Variants in MGAT4C observed in about 807,000 individuals in gnomAD.
The protein encoded by MGAT4C is MGAT4 family member C, also known as alpha-1,3-mannosyl-glycoprotein 4-beta-N-acetylglucosaminyltransferase C.
A neutral mutation model predicts 40.1 loss-of-function variants in MGAT4C; 19 were observed. That is an observed-to-expected ratio of 0.47 (90% CI 0.33 to 0.70). The LOEUF (loss-of-function observed/expected upper bound fraction) is 0.70. Among genes scored for constraint, MGAT4C ranks in the 30% least tolerant of loss-of-function variants. MGAT4C has a pLI of 0.02. For missense variants in MGAT4C, 491 were observed against 563.2 expected (o/e 0.87, Z 1.30); for synonymous variants, 181 against 187.1 (o/e 0.97, Z 0.27).
At chr12:86,049,077 T>C (rs751257185) in intron 2 of MGAT4C, among the ~76,000 whole-genome samples, 23 of 152,176 alleles carry the variant, frequency 1.5e-4, no homozygotes, top group Admixed American at 2.6e-4. Context: ...GTGTAAAGTC[T>C]GATAAGAAAT....
chr12:86,484,463 T>A (rs993099320), intron 2 of MGAT4C, among the ~76,000 whole-genome samples: 3 of 152,196 alleles, frequency 2.0e-5, no homozygotes, highest in Non-Finnish European at 4.4e-5. Context: ...AACCTGGTGC[T>A]TTGCCTGCAG....
In MGAT4C at chr12:86,538,854, G is replaced by A. The variant is rs898042810; in HGVS notation, c.-228-103589C>T. On this transcript the variant is annotated intron_variant, in intron 2 of 7. Coordinates refer to the MGAT4C transcript ENST00000548651. ...GATCTTCTGACCTCCTGATCTGCCC[G>A]CCTCGGTCTCCCAAAGTACTGGGAT... 3.7e-4 allele frequency among the ~76,000 whole-genome samples: 56 copies of A among 152,018 alleles called. 1 individual carries two copies. Among genetic ancestry groups the A allele is most frequent in the African/African-American group, 1.2e-3 (50 of 41,478 alleles).
intron 1 of MGAT4C, among the ~76,000 whole-genome samples, chr12:86,796,633 TAAC>T (rs1203884200): frequency 6.6e-6 from 1 of 151,928 alleles, no homozygotes; most frequent in Non-Finnish European, 1.5e-5. Flanking sequence ...TGACTATAGT[TAAC>T]AATATATAGC....
chr12:86,819,109 A>C (rs1301076834), intron 1 of MGAT4C, among the ~76,000 whole-genome samples: 1 of 151,024 alleles, frequency 6.6e-6, no homozygotes, highest in Non-Finnish European at 1.5e-5. Context: ...TAAATGAGGA[A>C]ATTGCATATT....
At chr12:86,516,430 T>C (rs1358276847) in intron 2 of MGAT4C, among the ~76,000 whole-genome samples, 1 of 152,136 alleles carries the variant, frequency 6.6e-6, no homozygotes, top group Admixed American at 6.5e-5. Flanking sequence ...ACTCACAACA[T>C]ATCCAAAAAC....
intron 1 of MGAT4C, among the ~76,000 whole-genome samples, chr12:86,241,672 T>TTAGC (rs1427340037): frequency 2.0e-5 from 3 of 152,154 alleles, no homozygotes; most frequent in Admixed American, 2.0e-4. Context: ...AGAGAGTGTA[T>TTAGC]TAGCAGCAGT....
At chr12:86,408,479 C>CTGTGTATATA (rs1267344319) in intron 3 of MGAT4C, among the ~76,000 whole-genome samples, 1 of 63,368 alleles carries the variant, frequency 1.6e-5, no homozygotes, top group African/African-American at 7.8e-5. Context: ...CTCTCTCTCT[C>CTGTGTATATA]TATATATATA....
chr12:86,429,556 C>G (rs940214198), intron 3 of MGAT4C, among the ~76,000 whole-genome samples: 1 of 152,032 alleles, frequency 6.6e-6, no homozygotes, highest in African/African-American at 2.4e-5. Flanking sequence ...ATGGTTGTCA[C>G]GTTTTTTGTT....
At chr12:86,737,868 A>T (rs1951011142) in intron 1 of MGAT4C, among the ~76,000 whole-genome samples, 1 of 151,474 alleles carries the variant, frequency 6.6e-6, no homozygotes. Flanking sequence ...TTGCTTGCAC[A>T]CTAGTCCAAG....
intron 1 of MGAT4C, among the ~76,000 whole-genome samples, chr12:86,140,414 G>T (rs370419511): frequency 6.6e-6 from 1 of 152,056 alleles, no homozygotes; most frequent in Non-Finnish European, 1.5e-5. Context: ...ACCAAACACC[G>T]CATGTTCTCA....
intron 2 of MGAT4C, among the ~76,000 whole-genome samples, chr12:86,583,411 C>A (rs1038740934): frequency 2.0e-5 from 3 of 151,258 alleles, no homozygotes; most frequent in South Asian, 2.1e-4. Context: ...GCAACAGTAA[C>A]CTATTTTAAA....
chr12:86,106,192 C>CT (rs1011696293), intron 1 of MGAT4C, among the ~76,000 whole-genome samples: 2 of 151,978 alleles, frequency 1.3e-5, no homozygotes, highest in African/African-American at 4.8e-5. Flanking sequence ...TAGTTTTTAT[C>CT]TTTTTTTGAC....
At chr12:86,223,225 A>G (rs538985868) in intron 1 of MGAT4C, among the ~76,000 whole-genome samples, 9 of 152,322 alleles carry the variant, frequency 5.9e-5, no homozygotes, top group Non-Finnish European at 8.8e-5. Flanking sequence ...GAACCAAGAC[A>G]TGACCAAACT....
chr12:86,652,638 CT>C (rs899497596), intron 2 of MGAT4C, among the ~76,000 whole-genome samples: 11 of 151,894 alleles, frequency 7.2e-5, no homozygotes, highest in Admixed American at 2.0e-4. Context: ...ACTATTGTTG[CT>C]GACAATGACA....
chr12:86,712,254 T>G (rs1950569501), intron 2 of MGAT4C, among the ~76,000 whole-genome samples: 1 of 152,112 alleles, frequency 6.6e-6, no homozygotes, highest in Non-Finnish European at 1.5e-5. Context: ...TTTATGCTTC[T>G]TTACCCTGCA....
chr12:86,651,750 C>A (rs1009885623), intron 2 of MGAT4C, among the ~76,000 whole-genome samples: 3 of 151,698 alleles, frequency 2.0e-5, no homozygotes, highest in East Asian at 1.9e-4. Context: ...TAAATGAAAT[C>A]ACTGGATTTC....
At chr12:86,507,575 C>G (rs1485723042) in intron 2 of MGAT4C, among the ~76,000 whole-genome samples, 1 of 152,152 alleles carries the variant, frequency 6.6e-6, no homozygotes, top group Non-Finnish European at 1.5e-5. Flanking sequence ...ATTAGAGACA[C>G]AGGAAGTAAA....
chr12:86,418,311 A>G (rs974870191), intron 3 of MGAT4C, among the ~76,000 whole-genome samples: 4 of 152,036 alleles, frequency 2.6e-5, no homozygotes, highest in African/African-American at 9.7e-5. Flanking sequence ...AACACATAAG[A>G]GGTAATAGGG....
chr12:86,675,099 A>C (rs1029856558), intron 2 of MGAT4C, among the ~76,000 whole-genome samples: 1 of 152,178 alleles, frequency 6.6e-6, no homozygotes, highest in African/African-American at 2.4e-5. Context: ...TGCTGCAAAT[A>C]CATGTCATCG....
Sources: allele counts gnomAD v4.1 joint callset (sites outside exome capture counted in the v4.1 genomes callset), GRCh38; gene constraint gnomAD v4.1.1; transcripts MANE v1.5; gene names NCBI Gene and HGNC (gene_info 2026-07-23, HGNC 2026-07-21).